NPHP4: variants seen among roughly 807,000 people sequenced by gnomAD.
NPHP4 encodes nephrocystin-4.
Under a neutral mutation model 155.8 loss-of-function variants are expected in NPHP4, and 151 were observed. The observed-to-expected ratio is 0.97, with a 90% CI of 0.85 to 1.11. The LOEUF (loss-of-function observed/expected upper bound fraction) is 1.11. Among genes scored for constraint, NPHP4 ranks in the 50% least tolerant of loss-of-function variants. The pLI is 0.00. For missense variants in NPHP4, 1,956 were observed against 1,925.7 expected, an observed-to-expected ratio of 1.02 and a Z score of -0.29; for synonymous variants, 845 against 816.8, an observed-to-expected ratio of 1.03 and a Z score of -0.59.
intron 17 of NPHP4, chr1:5,888,435 T>C (rs1643931953): frequency 9.0e-7 from 1 of 1,110,018 alleles, no homozygotes; most frequent in South Asian, 2.1e-5. Context: ...CAAAAGTGCC[T>C]GTCTCTGGGA....
chr1:5,976,761 G>C (rs551369128), intron 3 of NPHP4, among the ~76,000 whole-genome samples: 2 of 152,262 alleles, frequency 1.3e-5, no homozygotes, highest in South Asian at 4.2e-4. Context: ...ACTACCCATG[G>C]GAGGAAGGGC....
chr1:5,904,558 A>G, intron 16 of NPHP4, 59 bp downstream of exon 16: 1 of 1,354,838 alleles, frequency 7.4e-7, no homozygotes, highest in Non-Finnish European at 1.0e-6. Flanking sequence ...AACACTGACA[A>G]TTTACACACA....
At chr1:5,935,675 G>C (rs1042221810) in intron 9 of NPHP4, among the ~76,000 whole-genome samples, 5 of 152,182 alleles carry the variant, frequency 3.3e-5, no homozygotes, top group African/African-American at 1.2e-4. Context: ...AGGAGTTCAA[G>C]ACCACCCTGG....
intron 11 of NPHP4, 103 bp downstream of exon 11, chr1:5,927,546 C>T (rs1234354800): frequency 1.4e-5 from 18 of 1,250,014 alleles, no homozygotes; most frequent in Non-Finnish European, 2.0e-5. Flanking sequence ...GATTATCTTA[C>T]AAATGTGGTG....
intron 11 of NPHP4, among the ~76,000 whole-genome samples, chr1:5,927,187 T>C (rs1038322523): frequency 6.6e-6 from 1 of 152,232 alleles, no homozygotes; most frequent in Non-Finnish European, 1.5e-5. Context: ...TGGCAGCCCT[T>C]GCTGCTTGTA....
chr1:5,873,174 G>T, intron 23 of NPHP4, 78 bp downstream of exon 23: 1 of 1,276,866 alleles, frequency 7.8e-7, no homozygotes, highest in Non-Finnish European at 1.1e-6. Flanking sequence ...TCCAGGAGGG[G>T]AGAGAAGGAC....
chr1:5,975,046 C>T (rs915991678), intron 3 of NPHP4, among the ~76,000 whole-genome samples: 1 of 152,200 alleles, frequency 6.6e-6, no homozygotes, highest in Non-Finnish European at 1.5e-5. Context: ...GGGTGTTTTA[C>T]GAACCTCTAT....
At chr1:5,908,851 C>A (rs1186029432) in intron 12 of NPHP4, among the ~76,000 whole-genome samples, 1 of 152,198 alleles carries the variant, frequency 6.6e-6, no homozygotes, top group Non-Finnish European at 1.5e-5. Context: ...AAAGCAAAGG[C>A]CGTCCAGTCC....
chr1:5,925,767 C>G (rs758255785), intron 11 of NPHP4, among the ~76,000 whole-genome samples: 6 of 152,144 alleles, frequency 3.9e-5, no homozygotes, highest in Non-Finnish European at 8.8e-5. Flanking sequence ...AGGCGCCCGC[C>G]ACCACATCCA....
intron 5 of NPHP4, among the ~76,000 whole-genome samples, chr1:5,963,671 T>C (rs910997359): frequency 2.1e-5 from 3 of 144,250 alleles, no homozygotes; most frequent in African/African-American, 5.1e-5. Context: ...TGCAACGGGG[T>C]TTCCAACCTT....
At chr1:5,866,160 T>C (rs1185497493) in intron 26 of NPHP4, 3 of 579,832 alleles carry the variant, frequency 5.2e-6, no homozygotes, top group African/African-American at 3.7e-5. Flanking sequence ...GCATCCCAAG[T>C]CCCTCAGGCT....
intron 23 of NPHP4, among the ~76,000 whole-genome samples, chr1:5,869,068 T>C (rs1277648373): frequency 6.5e-4 from 55 of 84,282 alleles, no homozygotes; most frequent in Middle Eastern, 0.014. Flanking sequence ...CACACATGCA[T>C]GCCCACATGC....
intron 11 of NPHP4, among the ~76,000 whole-genome samples, chr1:5,909,709 C>G (rs1417657718): frequency 6.6e-6 from 1 of 152,144 alleles, no homozygotes; most frequent in Non-Finnish European, 1.5e-5. Flanking sequence ...GCTGAGGATT[C>G]TCCATGCAGG....
At chr1:5,869,789 A>T (rs192975550) in intron 23 of NPHP4, among the ~76,000 whole-genome samples, 12 of 152,358 alleles carry the variant, frequency 7.9e-5, no homozygotes, top group African/African-American at 2.4e-4. Flanking sequence ...TATACAGAGG[A>T]AATTAGGCAA....
intron 16 of NPHP4, among the ~76,000 whole-genome samples, chr1:5,901,992 G>A (rs989824355): frequency 2.6e-5 from 4 of 152,176 alleles, no homozygotes; most frequent in South Asian, 2.1e-4. Context: ...GGCCATAAAC[G>A]TAATGATGAA....
chr1:5,918,824 C>T (rs1210732133), intron 11 of NPHP4, among the ~76,000 whole-genome samples: 7 of 152,114 alleles, frequency 4.6e-5, no homozygotes, highest in African/African-American at 1.7e-4. Context: ...AGACCAATAA[C>T]CATGAAAAGA....
At chr1:5,901,210 A>T (rs1644663925) in intron 16 of NPHP4, among the ~76,000 whole-genome samples, 1 of 152,234 alleles carries the variant, frequency 6.6e-6, no homozygotes, top group South Asian at 2.1e-4. Flanking sequence ...TTTTAAAAAT[A>T]ATGGAACCAT....
intron 10 of NPHP4, among the ~76,000 whole-genome samples, chr1:5,932,651 T>C (rs1646334395): frequency 6.7e-6 from 1 of 148,402 alleles, no homozygotes; most frequent in Admixed American, 6.7e-5. Flanking sequence ...GAACATTTCA[T>C]TTCAGAATTA....
chr1:5,927,432 G>A (rs182119723), intron 11 of NPHP4, among the ~76,000 whole-genome samples: 2 of 152,272 alleles, frequency 1.3e-5, no homozygotes, highest in Admixed American at 1.3e-4. Context: ...GCTGACTCTG[G>A]GCTGAAGCAC....
Sources: gnomAD v4.1 joint callset for allele counts (sites outside exome capture counted in the v4.1 genomes callset) on GRCh38, gnomAD v4.1.1 for gene constraint, MANE v1.5 for transcripts, NCBI Gene and HGNC (gene_info 2026-07-23, HGNC 2026-07-21) for gene names.